Variants in CDHR2 observed in about 807,000 individuals in gnomAD.
The protein encoded by CDHR2 is cadherin related family member 2.
CDHR2 carries 104 observed loss-of-function variants against 138.6 expected under a neutral mutation model. The observed-to-expected ratio is 0.75, with a 90% CI of 0.64 to 0.88. The LOEUF (loss-of-function observed/expected upper bound fraction) is 0.88, where lower values mean the gene tolerates loss of function less well. Among genes scored for constraint, CDHR2 ranks in the 40% least tolerant of loss-of-function variants. The pLI is 0.00. For missense variants in CDHR2, 1,624 were observed against 1,727.6 expected (o/e 0.94, Z 1.06); for synonymous variants, 755 against 742.8 (o/e 1.02, Z -0.27).
At chr5:176,566,398 CA>C (rs1758080774) in intron 3 of CDHR2, among the ~76,000 whole-genome samples, 1 of 152,172 alleles carries the variant, frequency 6.6e-6, no homozygotes, top group African/African-American at 2.4e-5. Flanking sequence ...TGGAAGGAGC[CA>C]GGGGGCCTAG....
rs539501293 is a variant in CDHR2 at position 176,553,299 on chromosome 5, G to C, written c.-16+3885G>C. ...TTCTGCCCATTACTGGCTGGGCCGC[G>C]CCCTTTCCCCTCTTGGACGTCAGTT... On this transcript the variant is annotated intron_variant, in intron 1 of 31. Transcript: ENST00000261944. The surrounding 1 kb of genome is among the most constrained non-coding windows in gnomAD (Gnocchi z 4.3). 3.3e-5 allele frequency among the ~76,000 whole-genome samples: 5 copies of C among 152,316 alleles called. No individual in the cohort carries two copies. The highest frequency in any genetic ancestry group is 6.5e-5 in the Admixed American group (1 of 15,306).
Position 176,578,195 on chromosome 5 carries a change from C to T in CDHR2, c.1574+100C>T, listed in dbSNP as rs541981801. ...TAGAATAGCTGGGGAAGACCGAAGG[C>T]ACTCAGTTACATTTCAATTTCAGAT... On this transcript the variant is annotated intron_variant, in intron 15 of 31. Transcript: ENST00000261944. 2.5e-5 allele frequency: 32 copies of T among 1,266,550 alleles called. No individual in the cohort carries two copies. In the East Asian group the frequency reaches 7.8e-4, roughly 31 times the overall value. The allele number at this position is 1,266,550 out of a possible 1,614,324, so 78.5% of individuals were successfully genotyped here. A position where few individuals can be genotyped will look rare whatever the true frequency, so the allele number is the denominator to read the frequency against.
chr5:176,575,488 G>A lies in CDHR2; in HGVS notation c.769-18G>A, dbSNP rs1758351669. 6.2e-7 allele frequency: 1 copy of A among 1,614,156 alleles called. No individual in the cohort carries two copies. The highest frequency in any genetic ancestry group is 1.3e-5 in the African/African-American group (1 of 75,052). ...GAGGCGGGGAAGTTTGAGGAGCACTGACCAGGCCCCATTCCAGGGAACCTC... is the reference window on the plus strand; with the variant it reads ...GAGGCGGGGAAGTTTGAGGAGCACTAACCAGGCCCCATTCCAGGGAACCTC... On this transcript the variant is annotated intron_variant, in intron 9 of 31. Coordinates refer to ENST00000261944, the MANE Select transcript of CDHR2 (RefSeq NM_017675.6).
At chr5:176,562,936 C>T (rs527945206) in intron 1 of CDHR2, among the ~76,000 whole-genome samples, 1 of 152,264 alleles carries the variant, frequency 6.6e-6, no homozygotes, top group Non-Finnish European at 1.5e-5. Flanking sequence ...ATCAAAAGGC[C>T]TTTTTGTGAC....
At chr5:176,562,947 A>G (rs1014825062) in intron 1 of CDHR2, among the ~76,000 whole-genome samples, 1 of 152,186 alleles carries the variant, frequency 6.6e-6, no homozygotes, top group African/African-American at 2.4e-5. Context: ...TTTTTGTGAC[A>G]TGGAAGGTGC....
chr5:176,563,445 T>C (rs1250328474), intron 1 of CDHR2, among the ~76,000 whole-genome samples: 1 of 152,118 alleles, frequency 6.6e-6, no homozygotes, highest in Admixed American at 6.5e-5. Context: ...TTGCTTTAAT[T>C]TGGCTTTTCT....
upstream of CDHR2, among the ~76,000 whole-genome samples, chr5:176,547,266 C>G (rs1757604196): frequency 1.3e-5 from 2 of 152,236 alleles, no homozygotes; most frequent in South Asian, 4.1e-4. Context: ...CGCGAGCCAC[C>G]AGCCTATGCA....
In CDHR2 at chr5:176,577,265, G is replaced by A. The variant is rs866494048; in HGVS notation, c.1195-134G>A. The A allele has an allele frequency of 4.7e-5, 45 of 960,840 alleles. No individual in the cohort carries two copies. In the African/African-American group the frequency reaches 5.0e-4, roughly 11 times the overall value. The allele number at this position is 960,840 out of a possible 1,614,324, so 59.5% of individuals were successfully genotyped here. A position where few individuals can be genotyped will look rare whatever the true frequency, so the allele number is the denominator to read the frequency against. ...AGCCCAGCCTCCTGCACCCTCTCTC[G>A]CAGTCTTTTGAGAGCCCCCTTCCAT... On this transcript the variant is annotated intron_variant, in intron 12 of 31. Transcript: ENST00000261944.
rs1483661180 is a variant in CDHR2, at chr5:176,584,794, C to T, written c.2513C>T (p.Thr838Ile). 1 of 1,614,184 alleles carries T rather than the reference C, an allele frequency of 6.2e-7. No homozygotes were observed. The highest frequency in any genetic ancestry group is 1.1e-5 in the South Asian group (1 of 91,084). Residue 838 changes from threonine to isoleucine, a missense_variant, in exon 19 of 32, where the codon ACC (threonine) becomes ATC (isoleucine). Thr to Ile is a moderately conservative substitution (Grantham distance 89). Coordinates refer to ENST00000261944, the MANE Select transcript of CDHR2 (RefSeq NM_017675.6). The part of the protein sequence containing the change: ...VAVVVASDVD[T>I]SAQLEIQLVN... ...GTGGTGGTTGCCTCGGATGTGGACA[C>T]CAGTGCCCAGCTGGAGATACAGCTT...
intron 1 of CDHR2, among the ~76,000 whole-genome samples, chr5:176,550,132 G>A (rs958124397): frequency 2.8e-4 from 42 of 152,224 alleles, no homozygotes; most frequent in African/African-American, 8.9e-4. Flanking sequence ...CCAGGCACAA[G>A]GCAGGGTCCC....
At position 176,595,598 on chromosome 5, in the gene CDHR2, C is replaced by A. The variant is rs373675182; in HGVS notation, c.3859C>A (p.Arg1287=). 1.2e-6 allele frequency: 2 copies of A among 1,612,998 alleles called. No individual in the cohort carries two copies. Among genetic ancestry groups the A allele is most frequent in the South Asian group, 1.1e-5 (1 of 90,980 alleles). The change falls in exon 32 of 32, where the codon CGG becomes AGG. Residue 1287 remains arginine (R), a synonymous_variant. Transcript: ENST00000261944. ...GCCCCTGAGCGTGGTCCTGTTAGGA[C>A]GGCAGGCAGGCGCAAGTGGACAGCT... The part of the protein sequence containing the change: ...PEPLSVVLLG[R]QAGASGQLEG...
rs75866588 is a variant in CDHR2 at position 176,573,985 on chromosome 5, G to C, written c.406-98G>C. The C allele has an allele frequency of 3.9e-3, 3,607 of 930,220 alleles. 139 individuals carry two copies. The East Asian group carries it at 0.081, about 21-fold the overall frequency. 57.6% of individuals were successfully genotyped at this position (930,220 alleles called of 1,614,324 possible). ...GGACAGGGGAACCCTGTCCCCATGA[G>C]TGCACAGCTGAGGACACTGAAGCTC... On this transcript the variant is annotated intron_variant, in intron 6 of 31. Coordinates refer to ENST00000261944, the MANE Select transcript of CDHR2 (RefSeq NM_017675.6).
At chr5:176,570,229 G>A (rs568285339) in intron 5 of CDHR2, among the ~76,000 whole-genome samples, 14 of 152,292 alleles carry the variant, frequency 9.2e-5, no homozygotes, top group African/African-American at 3.4e-4. Flanking sequence ...TATATCTATG[G>A]TGGGAACTGC....
At position 176,554,108 on chromosome 5, in the gene CDHR2, C is replaced by T. The variant is rs76229014; in HGVS notation, c.-16+4694C>T. 2.6e-4 allele frequency among the ~76,000 whole-genome samples: 40 copies of T among 152,298 alleles called. 1 individual carries two copies. In the East Asian group the frequency reaches 6.7e-3, roughly 26 times the overall value. ...CCTGCCGTTCAGCATGTGGGCTGTC[C>T]CCAGCTGTCATCTCCGGGGTTCTTG... is the stretch of plus-strand genomic sequence containing the variant. On this transcript the variant is annotated intron_variant, in intron 1 of 31. Transcript: ENST00000261944.
At chr5:176,573,529 C>T (rs1001332333) in intron 6 of CDHR2, among the ~76,000 whole-genome samples, 1 of 151,674 alleles carries the variant, frequency 6.6e-6, no homozygotes, top group African/African-American at 2.4e-5. Context: ...CGCCTATAAT[C>T]CCACCTACTG....
intron 29 of CDHR2, 30 bp from the exon 30 acceptor site, chr5:176,591,374 C>G (rs1268367955): frequency 1.2e-6 from 2 of 1,612,178 alleles, no homozygotes; most frequent in African/African-American, 2.7e-5. Flanking sequence ...TGGCTGAGGG[C>G]CAGGCAACTT....
intron 31 of CDHR2, among the ~76,000 whole-genome samples, chr5:176,594,592 G>A (rs529765172): frequency 4.6e-5 from 7 of 152,352 alleles, no homozygotes; most frequent in Non-Finnish European, 8.8e-5. Flanking sequence ...TCATGTTATC[G>A]TGGGTGGCAC....
At chr5:176,571,892 T>C (rs754618910) in intron 6 of CDHR2, among the ~76,000 whole-genome samples, 1 of 152,150 alleles carries the variant, frequency 6.6e-6, no homozygotes, top group Non-Finnish European at 1.5e-5. Context: ...TAGATCCAGG[T>C]ACTCAAATCA....
chr5:176,553,122 C>T lies in CDHR2; in HGVS notation c.-16+3708C>T, dbSNP rs767260891. ...ATGGGGAAGGGGCTGTAGGGGGAGG[C>T]GCCTCGGGGACTGGGTGAAGGTCCT... On this transcript the variant is annotated intron_variant, in intron 1 of 31. Transcript: ENST00000261944. This position sits in a 1 kb window ranked among gnomAD's most constrained non-coding sequence, Gnocchi z 4.3. Among the ~76,000 whole-genome samples the T allele has an allele frequency of 3.3e-5, 5 of 152,060 alleles. No homozygotes were observed. Among genetic ancestry groups the T allele is most frequent in the Middle Eastern group, 3.4e-3 (1 of 294 alleles).
Sources: gnomAD v4.1 joint callset for allele counts (sites outside exome capture counted in the v4.1 genomes callset) on GRCh38, gnomAD v4.1.1 for gene constraint, Gnocchi (gnomAD v3.1) non-coding constraint, MANE v1.5 for transcripts, NCBI Gene and HGNC (gene_info 2026-07-23, HGNC 2026-07-21) for gene names.